OSBPL6: variants seen among roughly 807,000 people sequenced by gnomAD.
OSBPL6 encodes oxysterol-binding protein-related protein 6.
In OSBPL6, 49 loss-of-function variants were observed where a neutral mutation model predicts 125.8. The observed-to-expected ratio is 0.39, with a 90% CI of 0.31 to 0.49. The LOEUF (loss-of-function observed/expected upper bound fraction) is 0.49, where lower values mean the gene tolerates loss of function less well. Among genes scored for constraint, OSBPL6 ranks in the 20% least tolerant of loss-of-function variants. The pLI is 0.88. For missense variants in OSBPL6, 986 were observed against 1,135.4 expected, an observed-to-expected ratio of 0.87 and a Z score of 1.89; for synonymous variants, 394 against 391.8, an observed-to-expected ratio of 1.01 and a Z score of -0.07.
At chr2:178,324,372 G>C in intron 4 of OSBPL6, 103 bp downstream of exon 4, 1 of 793,594 alleles carries the variant, frequency 1.3e-6, no homozygotes, top group East Asian at 2.8e-5. Context: ...AAATACTTGT[G>C]ATGCCACTTG....
rs771528242 is a variant in OSBPL6 at position 178,394,264 on chromosome 2, C to T, written c.2574-49C>T. ...TTTTGTGCAAATGAGGTTTTTTTTC[C>T]CCCAGAAAAGAGGATAATATGTTAA... On this transcript the variant is annotated intron_variant, in intron 23 of 24. Coordinates refer to ENST00000190611, the MANE Select transcript of OSBPL6 (RefSeq NM_032523.4). The T allele has an allele frequency of 6.3e-6, 10 of 1,586,912 alleles. No homozygotes were observed. In the Admixed American group the frequency reaches 1.8e-4, roughly 28 times the overall value.
At chr2:178,391,980 C>T (rs928581457) in intron 22 of OSBPL6, among the ~76,000 whole-genome samples, 1 of 152,200 alleles carries the variant, frequency 6.6e-6, no homozygotes, top group African/African-American at 2.4e-5. Flanking sequence ...AAAGATCCTG[C>T]CTTCAAGTTT....
upstream of OSBPL6, among the ~76,000 whole-genome samples, chr2:178,193,776 G>C (rs1209990720): frequency 6.6e-6 from 1 of 152,194 alleles, no homozygotes; most frequent in Non-Finnish European, 1.5e-5. Flanking sequence ...AGGGTTTAAG[G>C]GTGTGGAAGG....
intron 1 of OSBPL6, among the ~76,000 whole-genome samples, chr2:178,276,868 T>C (rs2092480568): frequency 6.7e-6 from 1 of 149,756 alleles, no homozygotes; most frequent in Admixed American, 6.7e-5. Context: ...GCAAGAACAA[T>C]GAAACCATAT....
At chr2:178,254,544 A>G (rs1280797678) in intron 1 of OSBPL6, among the ~76,000 whole-genome samples, 1 of 152,228 alleles carries the variant, frequency 6.6e-6, no homozygotes, top group African/African-American at 2.4e-5. Context: ...CAATGTTTGA[A>G]ATGTATACTA....
At chr2:178,339,199 G>T in intron 10 of OSBPL6, 105 bp downstream of exon 10, 3 of 580,182 alleles carry the variant, frequency 5.2e-6, no homozygotes, top group Non-Finnish European at 8.6e-6. Context: ...ATAAATAACT[G>T]CAATACAGAC....
At position 178,301,838 on chromosome 2, in the gene OSBPL6, G is replaced by C. The variant is rs184553341; in HGVS notation, c.-155-4192G>C. Among the ~76,000 whole-genome samples the C allele has an allele frequency of 1.9e-3, 292 of 152,260 alleles. 3 individuals carry two copies. The highest frequency in any genetic ancestry group is 6.7e-3 in the African/African-American group (280 of 41,556). The stretch of plus-strand genomic sequence containing the variant: ...CTGTTTGTTAAGCCTGGAATGAAGA[G>C]CACTCAAGGTAGGTCTGCAGCTGAC... On this transcript the variant is annotated intron_variant, in intron 2 of 24. Coordinates refer to ENST00000190611, the MANE Select transcript of OSBPL6 (RefSeq NM_032523.4).
At chr2:178,238,380 C>A (rs929147742) in intron 1 of OSBPL6, among the ~76,000 whole-genome samples, 1 of 152,166 alleles carries the variant, frequency 6.6e-6, no homozygotes, top group Non-Finnish European at 1.5e-5. Context: ...GTCATGGTAT[C>A]GCAGTGCTTG....
chr2:178,273,311 C>T (rs1476214421), intron 1 of OSBPL6, among the ~76,000 whole-genome samples: 2 of 152,138 alleles, frequency 1.3e-5, no homozygotes, highest in Non-Finnish European at 1.5e-5. Context: ...TTTAATATGG[C>T]CGGGCTGTGG....
intron 1 of OSBPL6, among the ~76,000 whole-genome samples, chr2:178,270,270 A>G (rs2092348090): frequency 6.6e-6 from 1 of 152,232 alleles, no homozygotes; most frequent in African/African-American, 2.4e-5. Flanking sequence ...ATGAACAGGG[A>G]GAATCATAAA....
chr2:178,337,900 A>G (rs973613128), intron 9 of OSBPL6, among the ~76,000 whole-genome samples: 3 of 152,040 alleles, frequency 2.0e-5, no homozygotes, highest in African/African-American at 7.2e-5. Flanking sequence ...GCTCAAAATG[A>G]AATTTTTAGC....
chr2:178,203,432 C>T (rs1447757404), intron 1 of OSBPL6, among the ~76,000 whole-genome samples: 1 of 152,200 alleles, frequency 6.6e-6, no homozygotes, highest in Non-Finnish European at 1.5e-5. Flanking sequence ...TAGTTTTCAG[C>T]TCTAGAAGTG....
intron 15 of OSBPL6, among the ~76,000 whole-genome samples, chr2:178,380,763 C>T (rs1018240153): frequency 6.6e-6 from 1 of 152,088 alleles, no homozygotes; most frequent in African/African-American, 2.4e-5. Flanking sequence ...TGTTAGAAAC[C>T]ACCTATATGC....
At position 178,397,918 on chromosome 2, in the gene OSBPL6, T is replaced by C. The variant is rs1695942924; in HGVS notation, c.*2359T>C. The C allele has an allele frequency of 6.6e-6, 1 of 152,244 alleles. No homozygotes were observed. Among genetic ancestry groups the C allele is most frequent in the Non-Finnish European group, 1.5e-5 (1 of 68,040 alleles). The allele number at this position is 152,244 out of a possible 1,614,324, so 9.4% of individuals were successfully genotyped here. ...AAGATGAGAATGAGAAAAATGTCTA[T>C]TAAAATCACTACATTTGATAATATC... On this transcript the variant is annotated 3_prime_UTR_variant, in exon 25 of 25. Transcript: ENST00000190611.
intron 1 of OSBPL6, among the ~76,000 whole-genome samples, chr2:178,252,325 T>C (rs908604707): frequency 1.9e-5 from 2 of 103,716 alleles, no homozygotes; most frequent in African/African-American, 9.1e-5. Context: ...CCATACCTTC[T>C]GTTGCCAACT....
chr2:178,279,273 G>A (rs1356044024), intron 1 of OSBPL6, among the ~76,000 whole-genome samples: 3 of 152,136 alleles, frequency 2.0e-5, no homozygotes, highest in Non-Finnish European at 2.9e-5. Context: ...AGGAATGTGC[G>A]GGGAATGCAC....
chr2:178,208,608 C>A (rs2089664525), intron 1 of OSBPL6, among the ~76,000 whole-genome samples: 1 of 151,562 alleles, frequency 6.6e-6, no homozygotes, highest in Admixed American at 6.6e-5. Flanking sequence ...TTTTCCTCTT[C>A]TTTGCTTGTC....
At chr2:178,288,640 A>C (rs918590542) in intron 2 of OSBPL6, among the ~76,000 whole-genome samples, 1 of 149,976 alleles carries the variant, frequency 6.7e-6, no homozygotes, top group African/African-American at 2.4e-5. Context: ...GGGAAAAGGG[A>C]CTTTTTTTTT....
chr2:178,313,849 T>C (rs1211454832), intron 3 of OSBPL6, among the ~76,000 whole-genome samples: 2 of 152,176 alleles, frequency 1.3e-5, no homozygotes, highest in Non-Finnish European at 1.5e-5. Context: ...CATGTGCTGG[T>C]GTAACCATGG....
Sources: gnomAD v4.1 joint callset for allele counts (sites outside exome capture counted in the v4.1 genomes callset) on GRCh38, gnomAD v4.1.1 for gene constraint, MANE v1.5 for transcripts, NCBI Gene and HGNC (gene_info 2026-07-23, HGNC 2026-07-21) for gene names.